The following ITPR2 variants were observed in gnomAD, a reference collection of about 807,000 sequenced individuals.
ITPR2 encodes inositol 1,4,5-trisphosphate-gated calcium channel ITPR2.
ITPR2 carries 207 observed loss-of-function variants against 317.1 expected under a neutral mutation model. That is an observed-to-expected ratio of 0.65 (90% CI 0.58 to 0.73). The LOEUF (loss-of-function observed/expected upper bound fraction) is 0.73, where lower values mean the gene tolerates loss of function less well. Among genes scored for constraint, ITPR2 ranks in the 30% least tolerant of loss-of-function variants. The probability of loss-of-function intolerance (pLI) is 0.00; values close to 1 mark genes in which losing one functional copy is unlikely to be tolerated. For missense variants in ITPR2, 2,613 were observed against 3,284.0 expected, an observed-to-expected ratio of 0.80 and a Z score of 4.99; for synonymous variants, 1,156 against 1,149.1, an observed-to-expected ratio of 1.01 and a Z score of -0.12.
Position 26,494,283 on chromosome 12 carries a change from C to T in ITPR2, c.5240G>A (p.Cys1747Tyr), listed in dbSNP as rs367592710. ...TGATGCACCTTCTTTATCCAGCAGA[C>T]ACTGAATGTCTGACATTGATATCCC... is the stretch of plus-strand genomic sequence containing the variant. ...KMGISMSDIQ[C>Y]LLDKEGASEL... The change falls in exon 39 of 57, where the codon TGT (cysteine) becomes TAT (tyrosine). Residue 1747 changes from cysteine (C) to tyrosine (Y), a missense_variant. Cys to Tyr is a radical substitution (Grantham distance 194). Transcript: ENST00000381340. The T allele has an allele frequency of 6.2e-7, 1 of 1,613,070 alleles. No individual in the cohort carries two copies. The highest frequency in any genetic ancestry group is 1.3e-5 in the African/African-American group (1 of 74,856).
intron 34 of ITPR2, among the ~76,000 whole-genome samples, chr12:26,566,278 G>A (rs1335283982): frequency 1.5e-5 from 2 of 134,676 alleles, no homozygotes; most frequent in Non-Finnish European, 3.2e-5. Context: ...AAGGAGAGGA[G>A]AGGAGAAGGG....
At chr12:26,562,635 G>A (rs1284900763) in intron 34 of ITPR2, among the ~76,000 whole-genome samples, 20 of 152,094 alleles carry the variant, frequency 1.3e-4, no homozygotes, top group Non-Finnish European at 1.5e-5. Context: ...AGTTAGAAAA[G>A]GTCTTCCCAG....
chr12:26,715,260 A>T (rs951283884), intron 8 of ITPR2, 39 bp downstream of exon 8: 17 of 1,531,188 alleles, frequency 1.1e-5, no homozygotes, highest in Non-Finnish European at 1.3e-5. Context: ...TCTCTTTTTG[A>T]TCTAAATATT....
At chr12:26,748,157 C>G (rs1325391978) in intron 2 of ITPR2, among the ~76,000 whole-genome samples, 1 of 152,074 alleles carries the variant, frequency 6.6e-6, no homozygotes, top group South Asian at 2.1e-4. Flanking sequence ...CTCCTGGGTT[C>G]AAGTGATTCT....
intron 1 of ITPR2, among the ~76,000 whole-genome samples, chr12:26,811,036 CAAAAAAAAA>C (rs79796097): frequency 0.013 from 1,458 of 108,366 alleles, 25 homozygotes; most frequent in African/African-American, 0.05. Context: ...TTTTAAGTTA[CAAAAAAAAA>C]AAAAAAAAAA....
intron 55 of ITPR2, among the ~76,000 whole-genome samples, chr12:26,368,328 G>A (rs1310226605): frequency 6.6e-6 from 1 of 152,140 alleles, no homozygotes; most frequent in East Asian, 1.9e-4. Context: ...ATCTAGTCTT[G>A]TATATATAAA....
intron 34 of ITPR2, among the ~76,000 whole-genome samples, chr12:26,570,325 T>C (rs139542545): frequency 2.6e-5 from 4 of 152,172 alleles, no homozygotes; most frequent in Admixed American, 6.5e-5. Flanking sequence ...TTAATAAATA[T>C]GTGAAAAATT....
At chr12:26,507,863 C>CTGTGTGTG (rs1555144092) in intron 37 of ITPR2, among the ~76,000 whole-genome samples, 150 of 132,274 alleles carry the variant, frequency 1.1e-3, no homozygotes, top group African/African-American at 1.5e-3. Flanking sequence ...CTCTCTGTCT[C>CTGTGTGTG]TGTGTGTGTG....
intron 1 of ITPR2, among the ~76,000 whole-genome samples, chr12:26,792,554 C>T (rs1369181499): frequency 6.6e-6 from 1 of 151,976 alleles, no homozygotes. Flanking sequence ...GTACTTACTA[C>T]ATTTTCTTCT....
chr12:26,342,479 G>T (rs1260543784), intron 55 of ITPR2, among the ~76,000 whole-genome samples: 1 of 134,076 alleles, frequency 7.5e-6, no homozygotes, highest in Non-Finnish European at 1.6e-5. Context: ...CGAATGGGAG[G>T]TGTTTGGGTC....
At chr12:26,341,104 T>G (rs965574989) in intron 55 of ITPR2, among the ~76,000 whole-genome samples, 4 of 152,138 alleles carry the variant, frequency 2.6e-5, no homozygotes, top group Non-Finnish European at 2.9e-5. Flanking sequence ...TATATGACAT[T>G]TTTCCATCCT....
intron 1 of ITPR2, among the ~76,000 whole-genome samples, chr12:26,811,886 G>A (rs1950757977): frequency 6.9e-6 from 1 of 144,560 alleles, no homozygotes; most frequent in Non-Finnish European, 1.5e-5. Context: ...ATCTAGGGCC[G>A]GGCGTGGTGG....
intron 37 of ITPR2, among the ~76,000 whole-genome samples, chr12:26,524,337 C>T (rs1442251832): frequency 1.3e-5 from 2 of 152,110 alleles, no homozygotes; most frequent in African/African-American, 2.4e-5. Context: ...ACTATACATT[C>T]TAAACCTCAT....
intron 50 of ITPR2, 75 bp downstream of exon 50, chr12:26,418,974 C>T (rs1940807470): frequency 8.0e-7 from 1 of 1,248,712 alleles, no homozygotes; most frequent in South Asian, 2.1e-5. Context: ...AAAAAAAAAT[C>T]AAAGGAAGAG....
intron 2 of ITPR2, among the ~76,000 whole-genome samples, chr12:26,767,775 T>G (rs1021987900): frequency 3.3e-5 from 5 of 152,230 alleles, no homozygotes; most frequent in African/African-American, 1.2e-4. Context: ...GTATTAAATC[T>G]TTTTCTTCTT....
intron 55 of ITPR2, 35 bp from the exon 56 acceptor site, chr12:26,340,363 A>G: frequency 1.3e-6 from 2 of 1,552,368 alleles, no homozygotes; most frequent in South Asian, 2.5e-5. Context: ...ACAAGGGAAT[A>G]AGTATGGAAG....
chr12:26,451,229 C>T (rs73288322), intron 45 of ITPR2, among the ~76,000 whole-genome samples: 2,537 of 152,184 alleles, frequency 0.017, 69 homozygotes, highest in African/African-American at 0.058. Flanking sequence ...CCAAAGAATA[C>T]AGACAAACCT....
intron 55 of ITPR2, among the ~76,000 whole-genome samples, chr12:26,340,979 G>T (rs947807190): frequency 5.9e-5 from 9 of 152,178 alleles, no homozygotes; most frequent in Admixed American, 2.0e-4. Flanking sequence ...CAGCCTGGGT[G>T]TATGTAGGTG....
intron 1 of ITPR2, among the ~76,000 whole-genome samples, chr12:26,805,470 T>C (rs1185486667): frequency 6.6e-6 from 1 of 152,194 alleles, no homozygotes; most frequent in Non-Finnish European, 1.5e-5. Flanking sequence ...GCTTAATTGT[T>C]GAAAGAAGTT....
Sources: allele counts gnomAD v4.1 joint callset (sites outside exome capture counted in the v4.1 genomes callset), GRCh38; gene constraint gnomAD v4.1.1; transcripts MANE v1.5; gene names NCBI Gene and HGNC (gene_info 2026-07-23, HGNC 2026-07-21).